The following NCOA1 variants were observed in gnomAD, a reference collection of about 807,000 sequenced individuals.
NCOA1 encodes the protein Hin-2 protein.
In NCOA1, 35 loss-of-function variants were observed where a neutral mutation model predicts 150.9. That is an observed-to-expected ratio of 0.23 (90% CI 0.18 to 0.31). The LOEUF (loss-of-function observed/expected upper bound fraction) is 0.31, where lower values mean the gene tolerates loss of function less well. Ranked by LOEUF, NCOA1 falls within the 10% of genes least tolerant of loss-of-function variation. The pLI is 1.00. For synonymous variants in NCOA1, 590 were observed against 630.0 expected (o/e 0.94, Z 0.95); for missense variants, 1,491 against 1,749.3 (o/e 0.85, Z 2.63).
chr2:24,548,101 C>T (rs1665678518), intron 1 of NCOA1, among the ~76,000 whole-genome samples: 1 of 151,560 alleles, frequency 6.6e-6, no homozygotes, highest in Non-Finnish European at 1.5e-5. Context: ...TTGTATTACT[C>T]TGTTTTCTTA....
intron 7 of NCOA1, among the ~76,000 whole-genome samples, chr2:24,677,335 C>T (rs1434311124): frequency 6.6e-6 from 1 of 152,090 alleles, no homozygotes; most frequent in Non-Finnish European, 1.5e-5. Flanking sequence ...CAGAGCAAGA[C>T]CCTGTCTCAA....
chr2:24,660,826 G>A (rs1396293553), intron 5 of NCOA1, among the ~76,000 whole-genome samples: 2 of 151,936 alleles, frequency 1.3e-5, no homozygotes, highest in Admixed American at 6.6e-5. Context: ...TTGGAAGGCC[G>A]AGGCAGGTGG....
intron 1 of NCOA1, among the ~76,000 whole-genome samples, chr2:24,535,496 T>C (rs1665092417): frequency 6.6e-6 from 1 of 152,216 alleles, no homozygotes; most frequent in Admixed American, 6.5e-5. Flanking sequence ...GTCATTATGA[T>C]GTTAGCTGGT....
At chr2:24,569,062 G>C (rs569409145) in intron 2 of NCOA1, among the ~76,000 whole-genome samples, 1 of 152,278 alleles carries the variant, frequency 6.6e-6, no homozygotes, top group African/African-American at 2.4e-5. Context: ...AAAAGAAGTT[G>C]CAGCAGGATA....
At chr2:24,621,432 A>ATT (rs1162282258) in intron 3 of NCOA1, among the ~76,000 whole-genome samples, 1,226 of 38,886 alleles carry the variant, frequency 0.032, 311 homozygotes, top group African/African-American at 0.061. Context: ...ATTCAGGCAG[A>ATT]TTTTTTTTTT....
At chr2:24,700,550 A>G (rs1673111293) in intron 11 of NCOA1, among the ~76,000 whole-genome samples, 1 of 152,218 alleles carries the variant, frequency 6.6e-6, no homozygotes. Flanking sequence ...ATCAAGTTTG[A>G]AAACACATTT....
chr2:24,546,979 T>G (rs1665629141), intron 1 of NCOA1, among the ~76,000 whole-genome samples: 1 of 152,196 alleles, frequency 6.6e-6, no homozygotes, highest in South Asian at 2.1e-4. Context: ...ACCACATTCT[T>G]CCTGCTGGTC....
At chr2:24,579,621 A>G (rs1667121341) in intron 2 of NCOA1, among the ~76,000 whole-genome samples, 1 of 152,190 alleles carries the variant, frequency 6.6e-6, no homozygotes, top group Admixed American at 6.5e-5. Context: ...TGTTTCCCTT[A>G]AGAGTTGTCA....
At chr2:24,764,062 T>C (rs1442345447) in intron 22 of NCOA1, among the ~76,000 whole-genome samples, 1 of 152,240 alleles carries the variant, frequency 6.6e-6, no homozygotes, top group Non-Finnish European at 1.5e-5. Context: ...TGTGAAATGC[T>C]TGTGGTTTGC....
chr2:24,745,157 CTTT>C (rs201221705), intron 19 of NCOA1, among the ~76,000 whole-genome samples: 1 of 131,686 alleles, frequency 7.6e-6, no homozygotes. Context: ...TTTCTTTTTT[CTTT>C]TTTTTTTTTT....
At chr2:24,601,611 C>CCT (rs199928738) in intron 3 of NCOA1, among the ~76,000 whole-genome samples, 6,046 of 143,636 alleles carry the variant, frequency 0.042, 147 homozygotes, top group East Asian at 0.12. Context: ...CCTCCTTCCT[C>CCT]CTTTTTTTTT....
chr2:24,523,682 C>CT (rs1177848968), intron 1 of NCOA1, among the ~76,000 whole-genome samples: 1 of 144,586 alleles, frequency 6.9e-6, no homozygotes, highest in East Asian at 2.1e-4. Context: ...AATCCCAGCA[C>CT]TTTCGGAGGC....
intron 20 of NCOA1, among the ~76,000 whole-genome samples, chr2:24,756,283 T>G (rs1369000009): frequency 6.6e-6 from 1 of 151,930 alleles, no homozygotes; most frequent in Non-Finnish European, 1.5e-5. Context: ...AGACATAGAT[T>G]AGTAGGCTTT....
chr2:24,674,562 T>C (rs1036747646), intron 7 of NCOA1, among the ~76,000 whole-genome samples: 3 of 152,132 alleles, frequency 2.0e-5, no homozygotes, highest in Admixed American at 6.5e-5. Context: ...ATGAAGGTAC[T>C]AGAAGAAATT....
intron 21 of NCOA1, among the ~76,000 whole-genome samples, chr2:24,761,761 CCTTG>C (rs56244032): frequency 0.045 from 6,923 of 152,182 alleles, 243 homozygotes; most frequent in East Asian, 0.19. Flanking sequence ...GAAGTTTGAT[CCTTG>C]CTTTTTTGTT....
intron 3 of NCOA1, among the ~76,000 whole-genome samples, chr2:24,637,681 TTTTTGTTTTGTTTTG>T (rs767182525): frequency 3.3e-5 from 5 of 151,622 alleles, no homozygotes; most frequent in African/African-American, 4.9e-5. Context: ...TATTGGGGGT[TTTTTGTTTTGTTTTG>T]TTTTGTTTTG....
chr2:24,622,436 A>G (rs1194377296), intron 3 of NCOA1, among the ~76,000 whole-genome samples: 2 of 152,210 alleles, frequency 1.3e-5, no homozygotes, highest in Non-Finnish European at 2.9e-5. Context: ...CCTGGGAGGT[A>G]ATACAGCCCC....
chr2:24,700,300 A>T (rs555204213), intron 11 of NCOA1, among the ~76,000 whole-genome samples: 6 of 152,048 alleles, frequency 3.9e-5, no homozygotes, highest in African/African-American at 1.4e-4. Context: ...AGTGAAACAG[A>T]TTATGTACTA....
chr2:24,598,988 A>G (rs1220949248), intron 3 of NCOA1, among the ~76,000 whole-genome samples: 2 of 152,236 alleles, frequency 1.3e-5, no homozygotes, highest in Non-Finnish European at 2.9e-5. Context: ...GAGGACCTGG[A>G]CAAAGATTTA....
Sources: allele counts gnomAD v4.1 joint callset (sites outside exome capture counted in the v4.1 genomes callset), GRCh38; gene constraint gnomAD v4.1.1; transcripts MANE v1.5; gene names NCBI Gene and HGNC (gene_info 2026-07-23, HGNC 2026-07-21).